The following SDK1 variants were observed in gnomAD, a reference collection of about 807,000 sequenced individuals.
SDK1 encodes protein sidekick-1.
In SDK1, 157 loss-of-function variants were observed where a neutral mutation model predicts 245.5. That is an observed-to-expected ratio of 0.64 (90% CI 0.56 to 0.73). SDK1 has a LOEUF of 0.73. SDK1 is among the 30% of genes least tolerant of loss of function. The probability of loss-of-function intolerance (pLI) is 0.00; values close to 1 mark genes in which losing one functional copy is unlikely to be tolerated. For synonymous variants in SDK1, 1,647 were observed against 1,278.5 expected, an observed-to-expected ratio of 1.29 and a Z score of -6.15; for missense variants, 3,583 against 3,002.3, an observed-to-expected ratio of 1.19 and a Z score of -4.52.
chr7:3,470,506 T>A (rs1419073350), intron 1 of SDK1, among the ~76,000 whole-genome samples: 2 of 152,188 alleles, frequency 1.3e-5, no homozygotes, highest in Admixed American at 1.3e-4. Context: ...GCTGTTAATT[T>A]AGAAAATAAA....
intron 30 of SDK1, among the ~76,000 whole-genome samples, chr7:4,155,657 C>T (rs1378981130): frequency 6.6e-6 from 1 of 152,180 alleles, no homozygotes; most frequent in Admixed American, 6.5e-5. Context: ...TCTGCAACAC[C>T]TACTGTGTGC....
At chr7:3,437,053 G>T (rs1780049750) in intron 1 of SDK1, among the ~76,000 whole-genome samples, 1 of 152,148 alleles carries the variant, frequency 6.6e-6, no homozygotes, top group Non-Finnish European at 1.5e-5. Flanking sequence ...AGCCTGGTCT[G>T]ATTTCACATT....
chr7:3,822,856 G>A (rs773371704), intron 5 of SDK1, among the ~76,000 whole-genome samples: 3 of 152,106 alleles, frequency 2.0e-5, no homozygotes, highest in African/African-American at 7.2e-5. Flanking sequence ...ATTGCCTTAG[G>A]CCCAGTAGAA....
chr7:3,463,582 G>C (rs1045737551), intron 1 of SDK1, among the ~76,000 whole-genome samples: 1 of 149,902 alleles, frequency 6.7e-6, no homozygotes, highest in Non-Finnish European at 1.5e-5. Flanking sequence ...TGGGATCATG[G>C]CTTTCACTAC....
At chr7:3,886,381 A>C (rs1781339535) in intron 5 of SDK1, among the ~76,000 whole-genome samples, 1 of 152,256 alleles carries the variant, frequency 6.6e-6, no homozygotes, top group African/African-American at 2.4e-5. Flanking sequence ...GGACACAGGC[A>C]GCAGCAGCAC....
chr7:3,594,925 G>A (rs774875784), intron 1 of SDK1, among the ~76,000 whole-genome samples: 2 of 152,196 alleles, frequency 1.3e-5, no homozygotes, highest in African/African-American at 4.8e-5. Flanking sequence ...CATCATTAAT[G>A]TATAGGGTTT....
At chr7:3,341,107 G>C (rs1389008510) in intron 1 of SDK1, among the ~76,000 whole-genome samples, 1 of 152,024 alleles carries the variant, frequency 6.6e-6, no homozygotes, top group East Asian at 1.9e-4. Context: ...TGAACTTAAA[G>C]GCAATGATCC....
chr7:3,354,748 T>C (rs1780747992), intron 1 of SDK1, among the ~76,000 whole-genome samples: 1 of 152,246 alleles, frequency 6.6e-6, no homozygotes, highest in Admixed American at 6.5e-5. Flanking sequence ...CCTGCCCTTA[T>C]TACAAATACA....
chr7:3,754,012 C>T lies in SDK1; in HGVS notation c.714-67438C>T, dbSNP rs561643710. Among the ~76,000 whole-genome samples the T allele has an allele frequency of 1.7e-4, 26 of 152,230 alleles. No individual in the cohort carries two copies. In the South Asian group the frequency reaches 4.8e-3, roughly 28 times the overall value. On this transcript the variant is annotated intron_variant, in intron 4 of 44. Transcript: ENST00000404826. ...TTTCTAGGCAGGTCCTCTTGGCTTT[C>T]CATTCAGGACTTCTGCCCAAACCAT... is the stretch of plus-strand genomic sequence containing the variant.
At chr7:3,897,997 C>G (rs1781660131) in intron 5 of SDK1, among the ~76,000 whole-genome samples, 1 of 152,024 alleles carries the variant, frequency 6.6e-6, no homozygotes, top group Admixed American at 6.6e-5. Flanking sequence ...CATGTGTGCA[C>G]AGTACACTGA....
intron 2 of SDK1, among the ~76,000 whole-genome samples, chr7:3,629,165 G>T (rs1029946227): frequency 1.3e-5 from 2 of 151,792 alleles, no homozygotes; most frequent in African/African-American, 4.8e-5. Flanking sequence ...GCCGGGCATG[G>T]TGGCGGGCGC....
chr7:3,386,504 A>G (rs1389774081), intron 1 of SDK1, among the ~76,000 whole-genome samples: 2 of 152,208 alleles, frequency 1.3e-5, no homozygotes, highest in Admixed American at 6.5e-5. Context: ...AGTAATTTCT[A>G]GTTTCTCCTA....
intron 1 of SDK1, among the ~76,000 whole-genome samples, chr7:3,613,186 G>C (rs563640915): frequency 1.3e-5 from 2 of 152,190 alleles, no homozygotes; most frequent in East Asian, 1.9e-4. Flanking sequence ...AAAATCCATC[G>C]CAAGACCCCC....
chr7:3,476,338 G>A lies in SDK1; in HGVS notation c.299-142742G>A, dbSNP rs115890031. Among the ~76,000 whole-genome samples the A allele has an allele frequency of 2.5e-3, 373 of 152,192 alleles. 4 individuals carry two copies. Among genetic ancestry groups the A allele is most frequent in the African/African-American group, 8.6e-3 (357 of 41,502 alleles). On this transcript the variant is annotated intron_variant, in intron 1 of 44. Transcript: ENST00000404826. The stretch of plus-strand genomic sequence containing the variant: ...ACAATATTTTTCAGTTGCCGTTACC[G>A]CTCCTGGTCGCATCTAACACTACCA...
At chr7:3,839,471 C>G (rs1342769490) in intron 5 of SDK1, among the ~76,000 whole-genome samples, 2 of 152,150 alleles carry the variant, frequency 1.3e-5, no homozygotes, top group African/African-American at 2.4e-5. Context: ...ATGGGCATAA[C>G]AGAATGCTGT....
intron 21 of SDK1, 127 bp downstream of exon 21, chr7:4,077,316 C>G: frequency 1.2e-6 from 1 of 866,406 alleles, no homozygotes; most frequent in South Asian, 1.6e-5. Flanking sequence ...GGCCTCCTGC[C>G]AAGATGCTGG....
At chr7:3,651,994 A>T (rs1389089567) in intron 4 of SDK1, among the ~76,000 whole-genome samples, 1 of 152,214 alleles carries the variant, frequency 6.6e-6, no homozygotes. Flanking sequence ...TGAAGGATCT[A>T]TGAATGAGTT....
chr7:3,767,962 T>A (rs1322947988), intron 4 of SDK1, among the ~76,000 whole-genome samples: 4 of 152,220 alleles, frequency 2.6e-5, no homozygotes, highest in Non-Finnish European at 5.9e-5. Context: ...ACCATCCCCA[T>A]TTTAATCCTC....
chr7:4,240,893 T>A (rs7800508), intron 42 of SDK1, among the ~76,000 whole-genome samples: 1 of 151,832 alleles, frequency 6.6e-6, no homozygotes, highest in African/African-American at 2.4e-5. Flanking sequence ...GAGAAACCCG[T>A]GTTAGGGAGG....
Sources: allele counts gnomAD v4.1 joint callset (sites outside exome capture counted in the v4.1 genomes callset), GRCh38; gene constraint gnomAD v4.1.1; transcripts MANE v1.5; gene names NCBI Gene and HGNC (gene_info 2026-07-23, HGNC 2026-07-21).